The following ARHGEF10 variants were observed in gnomAD, a reference collection of about 807,000 sequenced individuals.
The protein encoded by ARHGEF10 is Rho guanine nucleotide exchange factor 10, also known as Rho guanine nucleotide exchange factor (GEF) 10.
ARHGEF10 carries 140 observed loss-of-function variants against 147.4 expected under a neutral mutation model. That is an observed-to-expected ratio of 0.95 (90% CI 0.83 to 1.09). ARHGEF10 has a LOEUF of 1.09. Among genes scored for constraint, ARHGEF10 ranks in the 50% least tolerant of loss-of-function variants. The probability of loss-of-function intolerance (pLI) is 0.00; values close to 1 mark genes in which losing one functional copy is unlikely to be tolerated. For missense variants in ARHGEF10, 2,222 were observed against 1,752.7 expected (o/e 1.27, Z -4.78); for synonymous variants, 902 against 695.8 (o/e 1.30, Z -4.67).
At chr8:1,823,804 A>C (rs1802556215), upstream of ARHGEF10, among the ~76,000 whole-genome samples, 2 of 151,384 alleles carry the variant, frequency 1.3e-5, no homozygotes, top group African/African-American at 2.4e-5. Flanking sequence ...CCTCGAAGGA[A>C]TGCGCGGGCG....
intron 25 of ARHGEF10, among the ~76,000 whole-genome samples, 159 bp downstream of exon 25, chr8:1,929,602 C>T (rs1288381522): frequency 6.6e-6 from 1 of 152,106 alleles, no homozygotes; most frequent in African/African-American, 2.4e-5. Flanking sequence ...GGGTGCCTTG[C>T]TTCTTCCCCA....
chr8:1,891,049 G>A (rs181886112), intron 11 of ARHGEF10, among the ~76,000 whole-genome samples: 75 of 152,238 alleles, frequency 4.9e-4, no homozygotes, highest in African/African-American at 1.7e-3. Context: ...GGATTTTAAT[G>A]TCTATTTCCA....
chr8:1,890,182 G>A (rs755745719), intron 11 of ARHGEF10, among the ~76,000 whole-genome samples: 8 of 75,814 alleles, frequency 1.1e-4, no homozygotes, highest in South Asian at 5.4e-4. Context: ...GGGTTTGTGA[G>A]GAGACACTGA....
At chr8:1,928,401 T>A in intron 23 of ARHGEF10, 26 bp from the exon 24 acceptor site, 1 of 1,608,606 alleles carries the variant, frequency 6.2e-7, no homozygotes, top group Non-Finnish European at 8.5e-7. Flanking sequence ...GTCGTTTTCT[T>A]CTTTCCTCCT....
In ARHGEF10 at chr8:1,862,254, G is replaced by C. The variant is rs532874467; in HGVS notation, c.481+2070G>C. Reference sequence around the variant, plus strand: ...GCGGGGCGGCCGCCTGGCTCTGCAGGGCTTCCCCGGGACGTACAGCCCAGC... The same window carrying C: ...GCGGGGCGGCCGCCTGGCTCTGCAGCGCTTCCCCGGGACGTACAGCCCAGC... On this transcript the variant is annotated intron_variant, in intron 4 of 28. Transcript: ENST00000349830. Among the ~76,000 whole-genome samples, 12 of 152,372 alleles carry C rather than the reference G, an allele frequency of 7.9e-5. No homozygotes were observed. In the South Asian group the frequency reaches 1.2e-3, roughly 16 times the overall value.
At position 1,893,405 on chromosome 8, in the gene ARHGEF10, G is replaced by A. The variant is rs186652681; in HGVS notation, c.1183-164G>A. Among the ~76,000 whole-genome samples the A allele has an allele frequency of 1.0e-3, 156 of 152,304 alleles. 2 individuals are homozygous for A. The highest frequency in any genetic ancestry group is 9.2e-3 in the Admixed American group (140 of 15,290). ...CATTATATAATTGTATTAATGGGGCGAAGTATGTTTTGTACCTGTAATGTT... is the reference window on the plus strand; with the variant it reads ...CATTATATAATTGTATTAATGGGGCAAAGTATGTTTTGTACCTGTAATGTT... On this transcript the variant is annotated intron_variant, in intron 11 of 28. Transcript: ENST00000349830.
rs900802283 is a variant in ARHGEF10 at position 1,937,265 on chromosome 8, C to A, written c.3222+3323C>A. Among the ~76,000 whole-genome samples the A allele has an allele frequency of 1.3e-5, 2 of 152,152 alleles. No homozygotes were observed. The highest frequency in any genetic ancestry group is 3.9e-4 in the East Asian group (2 of 5,178). ...GTGGGGAGCCAGGGATTAGCTAGTG[C>A]GGCCATGCAGGGTAGCCCCGTGGAT... On this transcript the variant is annotated intron_variant, in intron 26 of 28. Coordinates refer to ENST00000349830, the MANE Select transcript of ARHGEF10 (RefSeq NM_014629.4). The surrounding 1 kb of genome is among the most constrained non-coding windows in gnomAD (Gnocchi z 4.9).
intron 1 of ARHGEF10, among the ~76,000 whole-genome samples, chr8:1,839,040 C>G (rs189921672): frequency 1.3e-5 from 2 of 151,926 alleles, no homozygotes; most frequent in Non-Finnish European, 2.9e-5. Context: ...AGCGTGGAAG[C>G]TGTCTGGTGT....
At chr8:1,851,446 G>T (rs371048541) in intron 2 of ARHGEF10, among the ~76,000 whole-genome samples, 1 of 131,886 alleles carries the variant, frequency 7.6e-6, no homozygotes, top group Non-Finnish European at 1.8e-5. Flanking sequence ...AGTTAGTGAC[G>T]TACCTCAGTG....
chr8:1,850,585 G>T (rs1805056097), intron 2 of ARHGEF10, among the ~76,000 whole-genome samples: 1 of 150,528 alleles, frequency 6.6e-6, no homozygotes, highest in African/African-American at 2.5e-5. Flanking sequence ...AGGAGGGCCG[G>T]GTGCTGGCGG....
chr8:1,860,214 A>C (rs146894758), intron 4 of ARHGEF10, 30 bp downstream of exon 4: 1 of 1,607,174 alleles, frequency 6.2e-7, no homozygotes. Flanking sequence ...CACGCCCCCG[A>C]AGTGGCCTGT....
intron 4 of ARHGEF10, among the ~76,000 whole-genome samples, chr8:1,861,686 G>A (rs1806145203): frequency 6.6e-6 from 1 of 152,164 alleles, no homozygotes; most frequent in African/African-American, 2.4e-5. Context: ...GAAACACAGA[G>A]GTTTCAGAAT....
intron 15 of ARHGEF10, among the ~76,000 whole-genome samples, chr8:1,900,458 G>T (rs528355666): frequency 2.0e-5 from 3 of 152,136 alleles, no homozygotes; most frequent in African/African-American, 7.2e-5. Flanking sequence ...CGACAGATGT[G>T]CTGGGATTCT....
Position 1,922,967 on chromosome 8 carries a change from A to G in ARHGEF10, c.2147A>G (p.Lys716Arg), listed in dbSNP as rs761676189. 22 of 1,609,218 alleles carry G rather than the reference A, an allele frequency of 1.4e-5. No homozygotes were observed. In the South Asian group the frequency reaches 2.2e-4, roughly 16 times the overall value. ...TTTCTTTTTGCTTATTTTGTAGACA[A>G]AGTTTACATGGGGCCAGGACAACTG... ...LAVVANAKPN[K>R]VYMGPGQLYQ... Residue 716 changes from lysine (K) to arginine (R), a missense_variant, in exon 19 of 29, where the codon AAA becomes AGA. Lys to Arg is a conservative substitution (Grantham distance 26). Transcript: ENST00000349830.
intron 5 of ARHGEF10, among the ~76,000 whole-genome samples, chr8:1,864,945 A>G (rs1172339267): frequency 6.6e-6 from 1 of 152,228 alleles, no homozygotes. Context: ...ATCACTGGTG[A>G]TCTAAAATGT....
At chr8:1,951,805 G>T (rs1407802745) in intron 27 of ARHGEF10, among the ~76,000 whole-genome samples, 1 of 152,230 alleles carries the variant, frequency 6.6e-6, no homozygotes, top group Non-Finnish European at 1.5e-5. Context: ...CAGAGTTGTG[G>T]TGGAATGATG....
At chr8:1,875,574 A>T (rs1020202968) in intron 7 of ARHGEF10, among the ~76,000 whole-genome samples, 1 of 152,248 alleles carries the variant, frequency 6.6e-6, no homozygotes, top group Non-Finnish European at 1.5e-5. Context: ...CAGCTTCTGC[A>T]AAGTGAGCTC....
At chr8:1,894,699 C>A in intron 13 of ARHGEF10, 127 bp downstream of exon 13, 1 of 1,074,880 alleles carries the variant, frequency 9.3e-7, no homozygotes, top group Non-Finnish European at 1.4e-6. Context: ...TCTCTAAAGG[C>A]CAGGCTGAAG....
intron 15 of ARHGEF10, among the ~76,000 whole-genome samples, chr8:1,902,288 G>A (rs1000984854): frequency 9.9e-5 from 15 of 152,092 alleles, no homozygotes; most frequent in East Asian, 3.9e-4. Flanking sequence ...TCAGCGTGTC[G>A]AATGTGAACG....
Sources: allele counts gnomAD v4.1 joint callset (sites outside exome capture counted in the v4.1 genomes callset), GRCh38; gene constraint gnomAD v4.1.1; non-coding constraint Gnocchi (gnomAD v3.1); transcripts MANE v1.5; gene names NCBI Gene and HGNC (gene_info 2026-07-23, HGNC 2026-07-21).